ZNF730: variants seen among roughly 807,000 people sequenced by gnomAD.
The protein encoded by ZNF730 is putative zinc finger protein 730.
A neutral mutation model predicts 12.6 loss-of-function variants in ZNF730; 12 were observed. The observed-to-expected ratio is 0.95, with a 90% confidence interval of 0.61 to 1.54. The LOEUF is 1.54. Among genes scored for constraint, ZNF730 ranks in the 40% most tolerant of loss-of-function variants. ZNF730 has a pLI of 0.00. For synonymous variants in ZNF730, 194 were observed against 195.8 expected (o/e 0.99, Z 0.08); for missense variants, 643 against 583.5 (o/e 1.10, Z -1.05).
intron 1 of ZNF730, among the ~76,000 whole-genome samples, chr19:23,103,395 T>A (rs1374304569): frequency 6.6e-6 from 1 of 152,244 alleles, no homozygotes; most frequent in Non-Finnish European, 1.5e-5. Flanking sequence ...AATGCACTAA[T>A]CTGCTTTTTA....
At chr19:23,096,451 G>A (rs369009875) in intron 1 of ZNF730, among the ~76,000 whole-genome samples, 1 of 152,018 alleles carries the variant, frequency 6.6e-6, no homozygotes, top group Non-Finnish European at 1.5e-5. Flanking sequence ...CACCTAGGTG[G>A]TGTGACACTC....
chr19:23,113,907 A>G (rs1416037631), upstream of ZNF730, among the ~76,000 whole-genome samples: 2 of 152,116 alleles, frequency 1.3e-5, no homozygotes, highest in African/African-American at 4.8e-5. Context: ...TATACCCTAA[A>G]TCTACCCCCT....
At chr19:23,117,752 C>A (rs774826112) in intron 1 of ZNF730, among the ~76,000 whole-genome samples, 1 of 152,184 alleles carries the variant, frequency 6.6e-6, no homozygotes, top group African/African-American at 2.4e-5. Flanking sequence ...TACATAGTTT[C>A]TAAATTTGCA....
chr19:23,093,823 T>C (rs188492753), intron 1 of ZNF730, among the ~76,000 whole-genome samples: 214 of 152,290 alleles, frequency 1.4e-3, no homozygotes, highest in African/African-American at 4.9e-3. Context: ...GGAAGGAAGG[T>C]TGGCAACTTA....
At position 23,141,092 on chromosome 19, in the gene ZNF730, A is replaced by G. The variant is rs1970910391; in HGVS notation, c.227-4179A>G. On this transcript the variant is annotated intron_variant, in intron 3 of 3. Transcript: ENST00000597761. ...AGCCCAAGCAATATATGGAGACCCC[A>G]TCTTTCCAAAAAAAAATTTAGGCTA... 2.0e-5 allele frequency among the ~76,000 whole-genome samples: 3 copies of G among 151,456 alleles called. No homozygotes were observed. The South Asian group carries it at 6.3e-4, about 32-fold the overall frequency.
At position 23,147,201 on chromosome 19, in the gene ZNF730, A is replaced by G. The variant is rs1971029094; in HGVS notation, c.*645A>G. On this transcript the variant is annotated 3_prime_UTR_variant, in exon 4 of 4. Coordinates refer to ENST00000597761, the MANE Select transcript of ZNF730 (RefSeq NM_001277403.2). ...AACTCAACATCAGAGTTCATACTTA[A>G]TAAAATCATTAAAAGTGCAATTACT... The G allele has an allele frequency of 1.3e-5, 2 of 155,952 alleles. No homozygotes were observed. The allele number at this position is 155,952 out of a possible 1,614,324, so 9.7% of individuals were successfully genotyped here.
intron 1 of ZNF730, among the ~76,000 whole-genome samples, chr19:23,080,907 A>G (rs1449284899): frequency 2.2e-5 from 3 of 138,990 alleles, no homozygotes; most frequent in Non-Finnish European, 4.6e-5. Context: ...GTGCAGTGGC[A>G]CAATCTCGGT....
chr19:23,085,836 C>CTTTTTTTTTTTTTTTTTTTTTTTTT lies in ZNF730; in HGVS notation c.-94+10452_-94+10476dup, dbSNP rs556123915. ...GACCTATTTCACCCAATTTTTTTTT[C>CTTTTTTTTTTTTTTTTTTTTTTTTT]TTTTTTTTTTTTTTTTTTTTTTTTT... On this transcript the variant is annotated intron_variant, in intron 1 of 2. Coordinates refer to the ZNF730 transcript ENST00000593635. Among the ~76,000 whole-genome samples, 57 of 54,856 alleles carry CTTTTTTTTTTTTTTTTTTTTTTTTT rather than the reference C, an allele frequency of 1.0e-3. 16 individuals are homozygous for CTTTTTTTTTTTTTTTTTTTTTTTTT. Among genetic ancestry groups the CTTTTTTTTTTTTTTTTTTTTTTTTT allele is most frequent in the African/African-American group, 1.7e-3 (20 of 12,034 alleles). 36.0% of individuals were successfully genotyped at this position (54,856 alleles called of 152,430 possible).
At chr19:23,091,612 G>A (rs1294225531) in intron 1 of ZNF730, among the ~76,000 whole-genome samples, 6 of 152,222 alleles carry the variant, frequency 3.9e-5, no homozygotes, top group Non-Finnish European at 8.8e-5. Context: ...GAGACTTGGA[G>A]TCAAAGGAGA....
intron 1 of ZNF730, among the ~76,000 whole-genome samples, chr19:23,121,862 T>A (rs560604324): frequency 6.6e-6 from 1 of 152,304 alleles, no homozygotes; most frequent in Admixed American, 6.5e-5. Flanking sequence ...GAGGCTTTAT[T>A]CTCTTACGTG....
chr19:23,105,589 C>T (rs2145554283), intron 1 of ZNF730, among the ~76,000 whole-genome samples: 2 of 152,270 alleles, frequency 1.3e-5, no homozygotes, highest in South Asian at 2.1e-4. Flanking sequence ...TGAGGATTTA[C>T]AGCAACTAAA....
At chr19:23,114,300 C>CTTTTTTTTTTTTTTTTTTTTTTTTTT (rs11413226), upstream of ZNF730, among the ~76,000 whole-genome samples, 18 of 119,540 alleles carry the variant, frequency 1.5e-4, 5 homozygotes, top group African/African-American at 4.9e-4. Flanking sequence ...TTTTCTTTTT[C>CTTTTTTTTTTTTTTTTTTTTTTTTTT]TTTTCTTTTT....
intron 1 of ZNF730, among the ~76,000 whole-genome samples, chr19:23,108,580 C>A (rs1199579600): frequency 6.6e-6 from 1 of 152,064 alleles, no homozygotes; most frequent in East Asian, 1.9e-4. Flanking sequence ...GCAGCTCGGT[C>A]TATAGTCACT....
chr19:23,136,147 G>A (rs536814580), intron 3 of ZNF730, 104 bp downstream of exon 3: 3 of 794,116 alleles, frequency 3.8e-6, no homozygotes, highest in African/African-American at 1.8e-5. Context: ...GTTTTACAAA[G>A]GAAATAGTTT....
intron 1 of ZNF730, among the ~76,000 whole-genome samples, chr19:23,081,453 G>T (rs887330934): frequency 2.6e-5 from 4 of 152,142 alleles, no homozygotes; most frequent in African/African-American, 9.7e-5. Flanking sequence ...CTGAGTAGCT[G>T]GGATTACAGG....
chr19:23,081,415 G>A (rs920353966), intron 1 of ZNF730, among the ~76,000 whole-genome samples: 4 of 151,704 alleles, frequency 2.6e-5, no homozygotes, highest in African/African-American at 9.7e-5. Context: ...CGCCTCCCGG[G>A]TTCAAGCGAT....
chr19:23,103,380 C>G (rs955863378), intron 1 of ZNF730, among the ~76,000 whole-genome samples: 1 of 152,206 alleles, frequency 6.6e-6, no homozygotes, highest in African/African-American at 2.4e-5. Context: ...CAACAAGGTA[C>G]TCGTAATGCA....
At chr19:23,113,509 C>T (rs1970479899), upstream of ZNF730, among the ~76,000 whole-genome samples, 1 of 152,110 alleles carries the variant, frequency 6.6e-6, no homozygotes, top group Admixed American at 6.6e-5. Context: ...GGTACTAAGG[C>T]CCTGAGTTTT....
intron 1 of ZNF730, among the ~76,000 whole-genome samples, chr19:23,122,989 T>G (rs933868785): frequency 1.3e-5 from 2 of 152,250 alleles, no homozygotes; most frequent in African/African-American, 4.8e-5. Flanking sequence ...ACATGCTTAT[T>G]AATTTATCCA....
Sources: gnomAD v4.1 joint callset for allele counts (sites outside exome capture counted in the v4.1 genomes callset) on GRCh38, gnomAD v4.1.1 for gene constraint, MANE v1.5 for transcripts, NCBI Gene and HGNC (gene_info 2026-07-23, HGNC 2026-07-21) for gene names.